SRD5A3: variants seen among roughly 807,000 people sequenced by gnomAD.
SRD5A3 encodes steroid 5 alpha-reductase 3.
In SRD5A3, 24 loss-of-function variants were observed where a neutral mutation model predicts 34.3. That is an observed-to-expected ratio of 0.70 (90% confidence interval 0.51 to 0.99). The LOEUF is 0.99. Among genes scored for constraint, SRD5A3 ranks in the 50% least tolerant of loss-of-function variants. The pLI, the probability that SRD5A3 is intolerant of heterozygous loss-of-function variation, is 0.00. For missense variants in SRD5A3, 350 were observed against 388.2 expected, an observed-to-expected ratio of 0.90 and a Z score of 0.83; for synonymous variants, 161 against 167.3, an observed-to-expected ratio of 0.96 and a Z score of 0.29.
At chr4:55,359,276 A>G (rs1400998286) in intron 1 of SRD5A3, 70 bp from the exon 2 acceptor site, 1 of 1,600,914 alleles carries the variant, frequency 6.2e-7, no homozygotes, top group Non-Finnish European at 8.5e-7. Context: ...GAAACTAAAA[A>G]TAATCTTCCC....
chr4:55,346,313 G>A lies in SRD5A3; in HGVS notation c.-24G>A, dbSNP rs1718989438. ...CTAGCGGGCGGTGGGGGCGCCAGCA[G>A]CGCGGAAGGCGGGCACGCGGGCCAT... On this transcript the variant is annotated 5_prime_UTR_variant, in exon 1 of 5. Coordinates refer to ENST00000264228, the MANE Select transcript of SRD5A3 (RefSeq NM_024592.5). 3 of 1,398,620 alleles carry A rather than the reference G, an allele frequency of 2.1e-6. No individual in the cohort carries two copies. The highest frequency in any genetic ancestry group is 1.5e-5 in the African/African-American group (1 of 66,156). The allele number at this position is 1,398,620 out of a possible 1,614,324, so 86.6% of individuals were successfully genotyped here. A position where few individuals can be genotyped will look rare whatever the true frequency, so the allele number is the denominator to read the frequency against.
At chr4:55,354,168 C>T (rs1309581547) in intron 1 of SRD5A3, among the ~76,000 whole-genome samples, 2 of 152,152 alleles carry the variant, frequency 1.3e-5, no homozygotes, top group Admixed American at 1.3e-4. Flanking sequence ...GCAATGTGGG[C>T]TCACTGCAGC....
intron 1 of SRD5A3, among the ~76,000 whole-genome samples, chr4:55,353,170 A>T (rs528020236): frequency 6.6e-6 from 1 of 152,308 alleles, no homozygotes; most frequent in African/African-American, 2.4e-5. Flanking sequence ...TTAGCATAAT[A>T]GTGAGAAGTG....
intron 3 of SRD5A3, among the ~76,000 whole-genome samples, chr4:55,365,849 C>G (rs534854638): frequency 6.6e-6 from 1 of 152,152 alleles, no homozygotes; most frequent in Non-Finnish European, 1.5e-5. Context: ...AACCAAAGGG[C>G]GTGATAGAAA....
At chr4:55,349,549 A>T (rs1271693677) in intron 1 of SRD5A3, among the ~76,000 whole-genome samples, 4 of 148,828 alleles carry the variant, frequency 2.7e-5, no homozygotes, top group African/African-American at 5.0e-5. Context: ...TTTTTTTTTT[A>T]AATAAGGTGA....
chr4:55,352,270 C>T, intron 1 of SRD5A3: 1 of 854,688 alleles, frequency 1.2e-6, no homozygotes, highest in Admixed American at 1.7e-5. Context: ...TGGGGAATTT[C>T]TCTTTCCTTT....
chr4:55,361,179 A>G (rs1578207945), intron 2 of SRD5A3, among the ~76,000 whole-genome samples: 1 of 152,078 alleles, frequency 6.6e-6, no homozygotes, highest in Non-Finnish European at 1.5e-5. Context: ...GCAAAAGATG[A>G]CAATCAGAAG....
chr4:55,353,533 G>C (rs1341250619), intron 1 of SRD5A3, among the ~76,000 whole-genome samples: 1 of 152,192 alleles, frequency 6.6e-6, no homozygotes, highest in African/African-American at 2.4e-5. Flanking sequence ...CCAAGTCACT[G>C]GGGGTCCCCT....
At chr4:55,360,500 T>C (rs377630079) in intron 2 of SRD5A3, among the ~76,000 whole-genome samples, 1 of 151,798 alleles carries the variant, frequency 6.6e-6, no homozygotes, top group African/African-American at 2.4e-5. Flanking sequence ...GAGGGAGACT[T>C]TGTCTCAAAA....
At chr4:55,358,825 C>A (rs184460479) in intron 1 of SRD5A3, among the ~76,000 whole-genome samples, 1 of 152,226 alleles carries the variant, frequency 6.6e-6, no homozygotes, top group East Asian at 1.9e-4. Context: ...TTTAGGTCAA[C>A]CCAATTTGGA....
chr4:55,370,431 T>TCACACACA lies in SRD5A3; in HGVS notation c.*375_*382dup, dbSNP rs3034886. 4,042 of 225,806 alleles carry TCACACACA rather than the reference T, an allele frequency of 0.018. 168 individuals are homozygous for TCACACACA. Among genetic ancestry groups the TCACACACA allele is most frequent in the African/African-American group, 0.088 (3,544 of 40,472 alleles). The allele number at this position is 225,806 out of a possible 1,614,324, so 14.0% of individuals were successfully genotyped here. Reference sequence around the variant, plus strand: ...AAAAACCGAAAATATACAAACAGCTTCACACACACACACACACACACACAC... The same window carrying TCACACACA: ...AAAAACCGAAAATATACAAACAGCTTCACACACACACACACACACACACACACACACAC... On this transcript the variant is annotated 3_prime_UTR_variant, in exon 5 of 5. Coordinates refer to ENST00000264228, the MANE Select transcript of SRD5A3 (RefSeq NM_024592.5).
chr4:55,364,610 G>T (rs1345561738), intron 3 of SRD5A3: 3 of 317,654 alleles, frequency 9.4e-6, no homozygotes, highest in African/African-American at 6.4e-5. Context: ...CAGCTACTGG[G>T]GAGGCTGAGG....
chr4:55,364,480 G>A, intron 3 of SRD5A3: 2 of 588,716 alleles, frequency 3.4e-6, no homozygotes, highest in Non-Finnish European at 6.1e-6. Context: ...GGAGGCTGAG[G>A]CAGGTGGATC....
At chr4:55,360,096 C>T (rs1318666827) in intron 2 of SRD5A3, among the ~76,000 whole-genome samples, 11 of 151,936 alleles carry the variant, frequency 7.2e-5, no homozygotes, top group South Asian at 6.2e-4. Flanking sequence ...GCACCTGTAG[C>T]CCCAGCTACT....
At chr4:55,363,065 T>G (rs1450296771) in intron 2 of SRD5A3, among the ~76,000 whole-genome samples, 1 of 151,418 alleles carries the variant, frequency 6.6e-6, no homozygotes, top group East Asian at 2.0e-4. Context: ...CAGGCTGGTC[T>G]CGAACTCCTG....
Position 55,351,743 on chromosome 4 carries a change from C to G in SRD5A3, c.221+5186C>G, listed in dbSNP as rs538578383. On this transcript the variant is annotated intron_variant, in intron 1 of 4. Coordinates refer to ENST00000264228, the MANE Select transcript of SRD5A3 (RefSeq NM_024592.5). ...AACAGAATAATAATTCATGCTCTTGCATGTGTAATGAACTGGCAGCAAGAG... is the reference window on the plus strand; with the variant it reads ...AACAGAATAATAATTCATGCTCTTGGATGTGTAATGAACTGGCAGCAAGAG... 94 of 434,286 alleles carry G rather than the reference C, an allele frequency of 2.2e-4. 1 individual carries two copies. The Middle Eastern group carries it at 2.7e-3, about 12-fold the overall frequency. 26.9% of individuals were successfully genotyped at this position (434,286 alleles called of 1,614,324 possible).
intron 1 of SRD5A3, chr4:55,351,954 T>A (rs1368634307): frequency 2.7e-6 from 2 of 738,658 alleles, no homozygotes; most frequent in Non-Finnish European, 5.1e-6. Flanking sequence ...ATAAAACTTA[T>A]GCTGAATTAC....
intron 1 of SRD5A3, among the ~76,000 whole-genome samples, chr4:55,351,142 G>A (rs111754703): frequency 0.014 from 2,021 of 142,072 alleles, 43 homozygotes; most frequent in African/African-American, 0.051. Flanking sequence ...GCGCAATATC[G>A]GCTCACTGCA....
Sources: gnomAD v4.1 joint callset for allele counts (sites outside exome capture counted in the v4.1 genomes callset) on GRCh38, gnomAD v4.1.1 for gene constraint, MANE v1.5 for transcripts, NCBI Gene and HGNC (gene_info 2026-07-23, HGNC 2026-07-21) for gene names.